LOC400499: variants seen among roughly 807,000 people sequenced by gnomAD.
At chr16:11,478,692 G>A in the LOC400499 span, 1 of 399,064 alleles carries the variant, frequency 2.5e-6, no homozygotes, top group Non-Finnish European at 4.4e-6. Context: ...TCACCTGGGG[G>A]AGAGCCCAGA....
chr16:11,462,271 G>C, the LOC400499 span: 1 of 1,511,672 alleles, frequency 6.6e-7, no homozygotes, highest in Non-Finnish European at 8.8e-7. Context: ...GCTCAGCCTC[G>C]CCACCCATGG....
the LOC400499 span, chr16:11,390,002 G>A: frequency 1.5e-6 from 1 of 678,990 alleles, no homozygotes; most frequent in Non-Finnish European, 2.1e-6. Flanking sequence ...CCCTGGGCAG[G>A]GTGGTCACAG....
At chr16:11,525,779 C>T in the LOC400499 span, among the ~76,000 whole-genome samples, 377 of 152,276 alleles carry the variant, frequency 2.5e-3, 1 homozygote, top group African/African-American at 8.6e-3. Flanking sequence ...AGCCTGTACC[C>T]CTTCCATTTC....
At chr16:11,459,829 G>T in the LOC400499 span, 3 of 1,249,046 alleles carry the variant, frequency 2.4e-6, no homozygotes, top group Non-Finnish European at 3.0e-6. Context: ...CCATGTGGGG[G>T]TTCCCCAGCT....
the LOC400499 span, chr16:11,462,007 T>G: frequency 5.1e-6 from 5 of 980,056 alleles, no homozygotes; most frequent in South Asian, 2.3e-5. Context: ...TTGGATGGGA[T>G]GTTGATATTA....
chr16:11,433,437 T>C, the LOC400499 span, among the ~76,000 whole-genome samples: 45 of 152,348 alleles, frequency 3.0e-4, no homozygotes, highest in African/African-American at 1.0e-3. Context: ...ACCCAATTTG[T>C]ACCAGAATGT....
At chr16:11,500,221 A>C in the LOC400499 span, among the ~76,000 whole-genome samples, 3 of 152,148 alleles carry the variant, frequency 2.0e-5, no homozygotes, top group Non-Finnish European at 4.4e-5. Context: ...TAGAGACCAG[A>C]AAACAGTCGG....
the LOC400499 span, among the ~76,000 whole-genome samples, chr16:11,470,303 C>T: frequency 6.6e-6 from 1 of 152,150 alleles, no homozygotes; most frequent in Non-Finnish European, 1.5e-5. Flanking sequence ...CAGAACATTG[C>T]CCTCCAGCAC....
At chr16:11,451,161 G>C in the LOC400499 span, among the ~76,000 whole-genome samples, 519 of 152,340 alleles carry the variant, frequency 3.4e-3, 4 homozygotes, top group African/African-American at 0.011. Flanking sequence ...AAGAGGGCTG[G>C]ATATGCAGAG....
At chr16:11,381,271 G>C in the LOC400499 span, among the ~76,000 whole-genome samples, 1 of 152,158 alleles carries the variant, frequency 6.6e-6, no homozygotes, top group African/African-American at 2.4e-5. Context: ...TTGTGAGACA[G>C]GGTCTCAGTC....
the LOC400499 span, chr16:11,460,590 G>A: frequency 1.3e-6 from 2 of 1,534,422 alleles, no homozygotes; most frequent in Non-Finnish European, 1.7e-6. Flanking sequence ...CTGCACTCGT[G>A]TGCCGCCTGC....
the LOC400499 span, among the ~76,000 whole-genome samples, chr16:11,449,832 C>T: frequency 6.6e-6 from 1 of 152,270 alleles, no homozygotes; most frequent in Non-Finnish European, 1.5e-5. Context: ...TCCTTCCCCA[C>T]CACTAGTCCA....
chr16:11,444,476 C>T, the LOC400499 span, among the ~76,000 whole-genome samples: 4 of 152,186 alleles, frequency 2.6e-5, no homozygotes, highest in Admixed American at 1.3e-4. Context: ...GCAAGTGAAG[C>T]CCTGTTGGGA....
chr16:11,389,046 C>A, the LOC400499 span, among the ~76,000 whole-genome samples: 143 of 152,282 alleles, frequency 9.4e-4, no homozygotes, highest in Non-Finnish European at 1.7e-3. Context: ...GAGATCACAG[C>A]ATTGTACTCC....
At chr16:11,405,830 T>C in the LOC400499 span, among the ~76,000 whole-genome samples, 1 of 152,280 alleles carries the variant, frequency 6.6e-6, no homozygotes, top group African/African-American at 2.4e-5. Context: ...AGGCTTCTAG[T>C]AGCAGATAGA....
At chr16:11,403,082 G>C in the LOC400499 span, among the ~76,000 whole-genome samples, 1 of 151,984 alleles carries the variant, frequency 6.6e-6, no homozygotes, top group East Asian at 1.9e-4. Context: ...CCTGACCTCC[G>C]ACATCACTTG....
the LOC400499 span, among the ~76,000 whole-genome samples, chr16:11,483,207 G>T: frequency 6.6e-6 from 1 of 152,172 alleles, no homozygotes; most frequent in Non-Finnish European, 1.5e-5. Flanking sequence ...CACAATGCTG[G>T]TGGGAATGCA....
the LOC400499 span, chr16:11,446,423 G>T: frequency 2.4e-6 from 2 of 840,090 alleles, no homozygotes; most frequent in Non-Finnish European, 1.9e-6. Flanking sequence ...CTCCTGCGTA[G>T]CTAAGATTAC....
the LOC400499 span, among the ~76,000 whole-genome samples, chr16:11,387,879 C>G: frequency 6.6e-6 from 1 of 152,112 alleles, no homozygotes; most frequent in Non-Finnish European, 1.5e-5. Context: ...CCACCTCGGC[C>G]TCCCAAAGTG....
Sources: gnomAD v4.1 joint callset for allele counts (sites outside exome capture counted in the v4.1 genomes callset) on GRCh38, gnomAD v4.1.1 for gene constraint, MANE v1.5 for transcripts.